The following RAD1 variants were observed in gnomAD, a reference collection of about 807,000 sequenced individuals.
The protein encoded by RAD1 is cell cycle checkpoint protein RAD1.
A neutral mutation model predicts 30.0 loss-of-function variants in RAD1; 21 were observed. The ratio of observed to expected loss-of-function variants is 0.70; its 90% CI spans 0.50 to 1.01. RAD1 has a LOEUF of 1.01. Ranked by LOEUF, RAD1 falls within the 50% of genes least tolerant of loss-of-function variation. The pLI is 0.00. For synonymous variants in RAD1, 109 were observed against 113.6 expected (o/e 0.96, Z 0.26); for missense variants, 329 against 329.0 (o/e 1.00, Z 0.00).
chr5:34,910,747 C>T (rs1763809619), intron 4 of RAD1, among the ~76,000 whole-genome samples: 1 of 152,130 alleles, frequency 6.6e-6, no homozygotes. Context: ...TGTAATTCTT[C>T]TAAAGTAGTT....
intron 3 of RAD1, among the ~76,000 whole-genome samples, chr5:34,912,792 G>A (rs1445473316): frequency 6.6e-6 from 1 of 152,188 alleles, no homozygotes; most frequent in Non-Finnish European, 1.5e-5. Context: ...CTGAGGTCAG[G>A]AGTTTGAGAC....
Position 34,905,972 on chromosome 5 carries a change from T to C in RAD1, c.*2793A>G, listed in dbSNP as rs1763637367. 1 of 152,172 alleles carries C rather than the reference T, an allele frequency of 6.6e-6. No homozygotes were observed. The highest frequency in any genetic ancestry group is 1.5e-5 in the Non-Finnish European group (1 of 68,028). The allele number at this position is 152,172 out of a possible 1,614,324, so 9.4% of individuals were successfully genotyped here. ...TTTTTATTTTAATTTTTTTTGTTTT[T>C]GAGACGGAGTCTTGCTCTGTCACCC... On this transcript the variant is annotated 3_prime_UTR_variant, in exon 6 of 6. Transcript: ENST00000382038.
Position 34,911,610 on chromosome 5 carries a change from C to T in RAD1, c.510G>A (p.Leu170=). ...TTTGTAGGACTTCACTCGTCATATC[C>T]AATTCAGAAAATGCTTCACGGAGCC... ...SEGLREAFSE[L]DMTSEVLQIT... Residue 170 remains leucine, a synonymous_variant, in exon 4 of 6, where the codon TTG becomes TTA. Coordinates refer to ENST00000382038, the MANE Select transcript of RAD1 (RefSeq NM_002853.4). The T allele has an allele frequency of 6.2e-7, 1 of 1,614,104 alleles. No individual in the cohort carries two copies. The highest frequency in any genetic ancestry group is 8.5e-7 in the Non-Finnish European group (1 of 1,180,024).
intron 4 of RAD1, among the ~76,000 whole-genome samples, chr5:34,909,910 A>G (rs527556110): frequency 6.6e-6 from 1 of 152,340 alleles, no homozygotes; most frequent in South Asian, 2.1e-4. Context: ...GCTAAGTATT[A>G]TATGAGCATG....
chr5:34,911,466 TAATA>T, intron 4 of RAD1, 84 bp downstream of exon 4: 1 of 1,465,902 alleles, frequency 6.8e-7, no homozygotes, highest in Non-Finnish European at 9.2e-7. Context: ...AAAATGTGGA[TAATA>T]AAAATTTTGC....
Position 34,908,115 on chromosome 5 carries a change from TAATA to T in RAD1, c.*646_*649del, listed in dbSNP as rs1262503391. The T allele has an allele frequency of 1.3e-5, 2 of 151,110 alleles. No homozygotes were observed. The highest frequency in any genetic ancestry group is 2.9e-5 in the Non-Finnish European group (2 of 67,858). The allele number at this position is 151,110 out of a possible 1,614,324, so 9.4% of individuals were successfully genotyped here. On this transcript the variant is annotated 3_prime_UTR_variant, in exon 6 of 6. Transcript: ENST00000382038. ...GCCCATATGCCTTTGCTTTTTCTAA[TAATA>T]AATAAATAAAAGATCATTTCAGGTA...
chr5:34,911,928 A>G, intron 3 of RAD1, 116 bp from the exon 4 acceptor site: 1 of 1,200,944 alleles, frequency 8.3e-7, no homozygotes, highest in South Asian at 1.5e-5. Flanking sequence ...TTTCTCACAT[A>G]TATGTATCTC....
At chr5:34,913,855 T>A (rs1282635552) in intron 2 of RAD1, 1 of 482,550 alleles carries the variant, frequency 2.1e-6, no homozygotes. Flanking sequence ...AATGACTTGA[T>A]AATGCATGAG....
At chr5:34,914,550 T>A in intron 2 of RAD1, 145 bp downstream of exon 2, 1 of 754,872 alleles carries the variant, frequency 1.3e-6, no homozygotes, top group Non-Finnish European at 2.1e-6. Context: ...AACTTAAGAC[T>A]ATTATTTATT....
In RAD1 at chr5:34,908,536, G is replaced by C. The variant is rs2111928564; in HGVS notation, c.*229C>G. On this transcript the variant is annotated 3_prime_UTR_variant, in exon 6 of 6. Coordinates refer to ENST00000382038, the MANE Select transcript of RAD1 (RefSeq NM_002853.4). ...CATGAGTTCAAAAGACAGAACTAAA[G>C]GACAGTCCTGAATAATCTATGACTA... 3 of 379,908 alleles carry C rather than the reference G, an allele frequency of 7.9e-6. No individual in the cohort carries two copies. Among genetic ancestry groups the C allele is most frequent in the Non-Finnish European group, 1.4e-5 (3 of 211,914 alleles). The allele number at this position is 379,908 out of a possible 1,614,324, so 23.5% of individuals were successfully genotyped here.
intron 4 of RAD1, among the ~76,000 whole-genome samples, chr5:34,911,124 A>T (rs1175667388): frequency 6.6e-6 from 1 of 152,228 alleles, no homozygotes; most frequent in Non-Finnish European, 1.5e-5. Flanking sequence ...AGCACACGGT[A>T]GGTGATCAAC....
At position 34,907,983 on chromosome 5, in the gene RAD1, C is replaced by G. The variant is rs1763704513; in HGVS notation, c.*782G>C. 6.6e-6 allele frequency: 1 copy of G among 152,200 alleles called. No homozygotes were observed. The allele number at this position is 152,200 out of a possible 1,614,324, so 9.4% of individuals were successfully genotyped here. ...AAATACAGAATGCTGGCCTCCTCCC[C>G]AGAGTTTGCTACAAGTTTGCAGGCC... is the stretch of plus-strand genomic sequence containing the variant. On this transcript the variant is annotated 3_prime_UTR_variant, in exon 6 of 6. Transcript: ENST00000382038.
rs561042816 is a variant in RAD1, at chr5:34,911,337, T to C, written c.566+217A>G. On this transcript the variant is annotated intron_variant, in intron 4 of 5. Coordinates refer to ENST00000382038, the MANE Select transcript of RAD1 (RefSeq NM_002853.4). ...ATAAATTAGAGGACTGGGCTTCTCATCTAGATGCCACCACCACCTAAATAT... is the reference window on the plus strand; with the variant it reads ...ATAAATTAGAGGACTGGGCTTCTCACCTAGATGCCACCACCACCTAAATAT... Among the ~76,000 whole-genome samples the C allele has an allele frequency of 1.8e-4, 28 of 152,290 alleles. No homozygotes were observed. The South Asian group carries it at 5.6e-3, about 30-fold the overall frequency.
chr5:34,907,624 CAAGA>C lies in RAD1; in HGVS notation c.*1137_*1140del, dbSNP rs570142973. ...ACTGGTTTTCTACACCTTGATTTGT[CAAGA>C]AACTCATAAGCAAATGGAAAGTAGT... On this transcript the variant is annotated 3_prime_UTR_variant, in exon 6 of 6. Transcript: ENST00000382038. 3.3e-5 allele frequency: 5 copies of C among 152,150 alleles called. No homozygotes were observed. The highest frequency in any genetic ancestry group is 5.9e-5 in the Non-Finnish European group (4 of 68,026). The allele number at this position is 152,150 out of a possible 1,614,324, so 9.4% of individuals were successfully genotyped here. A position where few individuals can be genotyped will look rare whatever the true frequency, so the allele number is the denominator to read the frequency against.
chr5:34,910,505 G>A (rs41271723), intron 4 of RAD1, among the ~76,000 whole-genome samples: 8,121 of 150,922 alleles, frequency 0.054, 307 homozygotes, highest in South Asian at 0.11. Context: ...TCAGCTCACC[G>A]CAACCTCCAC....
intron 3 of RAD1, among the ~76,000 whole-genome samples, chr5:34,912,463 A>G (rs532769270): frequency 2.0e-5 from 3 of 152,326 alleles, no homozygotes; most frequent in African/African-American, 7.2e-5. Flanking sequence ...TGCTTCTGTG[A>G]AAAACTAGCT....
chr5:34,909,559 T>C (rs144755041), intron 4 of RAD1, among the ~76,000 whole-genome samples: 206 of 152,066 alleles, frequency 1.4e-3, no homozygotes, highest in African/African-American at 4.8e-3. Context: ...TTGAAGAAAA[T>C]CAATTGTAAA....
chr5:34,909,027 A>G, intron 5 of RAD1, 79 bp from the exon 6 acceptor site: 2 of 1,275,840 alleles, frequency 1.6e-6, no homozygotes, highest in South Asian at 1.3e-5. Flanking sequence ...GATAAAAAGT[A>G]GCAAATCTAA....
chr5:34,910,139 C>T lies in RAD1; in HGVS notation c.567-783G>A, dbSNP rs949105995. 2.4e-4 allele frequency among the ~76,000 whole-genome samples: 37 copies of T among 152,218 alleles called. 1 individual carries two copies. The highest frequency in any genetic ancestry group is 1.6e-3 in the Admixed American group (25 of 15,288). On this transcript the variant is annotated intron_variant, in intron 4 of 5. Coordinates refer to ENST00000382038, the MANE Select transcript of RAD1 (RefSeq NM_002853.4). ...TACATATCCAGCCACTCCCTAGTGT[C>T]GCAGGTACTTAAAATTTAACATATC...
Sources: gnomAD v4.1 joint callset for allele counts (sites outside exome capture counted in the v4.1 genomes callset) on GRCh38, gnomAD v4.1.1 for gene constraint, MANE v1.5 for transcripts, NCBI Gene and HGNC (gene_info 2026-07-23, HGNC 2026-07-21) for gene names.